Variants in GPC6 observed in about 807,000 individuals in gnomAD.
The protein encoded by GPC6 is glypican-6.
In GPC6, 14 loss-of-function variants were observed where a neutral mutation model predicts 55.2. The observed-to-expected ratio is 0.25, with a 90% CI of 0.17 to 0.40. GPC6 has a LOEUF of 0.40. GPC6 is among the 10% of genes least tolerant of loss of function. The probability of loss-of-function intolerance (pLI) is 1.00; values close to 1 mark genes in which losing one functional copy is unlikely to be tolerated. For missense variants in GPC6, 641 were observed against 708.5 expected, an observed-to-expected ratio of 0.90 and a Z score of 1.08; for synonymous variants, 278 against 259.6, an observed-to-expected ratio of 1.07 and a Z score of -0.68.
intron 4 of GPC6, among the ~76,000 whole-genome samples, chr13:94,231,638 GC>G: frequency 1.3e-5 from 2 of 152,274 alleles, no homozygotes; most frequent in Non-Finnish European, 2.9e-5. Flanking sequence ...AACATTTTCA[GC>G]CTGAAAGAGA....
At chr13:93,315,392 T>C (rs1879212402) in intron 1 of GPC6, among the ~76,000 whole-genome samples, 1 of 151,966 alleles carries the variant, frequency 6.6e-6, no homozygotes, top group South Asian at 2.1e-4. Flanking sequence ...AGAAAATAAG[T>C]TTAGAAAATA....
chr13:93,789,279 T>A (rs1269305344), intron 2 of GPC6, among the ~76,000 whole-genome samples: 2 of 151,878 alleles, frequency 1.3e-5, no homozygotes, highest in Non-Finnish European at 2.9e-5. Context: ...ATATTAGTGT[T>A]CTACACTGTC....
At chr13:93,745,368 A>T (rs1374716865) in intron 2 of GPC6, among the ~76,000 whole-genome samples, 1 of 152,034 alleles carries the variant, frequency 6.6e-6, no homozygotes, top group Non-Finnish European at 1.5e-5. Context: ...TGACCTAAAG[A>T]AACTTCATCA....
intron 4 of GPC6, among the ~76,000 whole-genome samples, chr13:94,048,605 G>A (rs1566335050): frequency 1.3e-5 from 2 of 151,756 alleles, no homozygotes; most frequent in African/African-American, 2.4e-5. Flanking sequence ...GCCGCTGTGG[G>A]GTTCAGAAAA....
intron 4 of GPC6, among the ~76,000 whole-genome samples, chr13:94,089,270 A>G (rs1460916220): frequency 6.6e-6 from 1 of 152,168 alleles, no homozygotes. Flanking sequence ...CCTGAGAGAG[A>G]GATGGATTAG....
At chr13:93,719,955 C>T (rs1594399143) in intron 2 of GPC6, among the ~76,000 whole-genome samples, 1 of 152,146 alleles carries the variant, frequency 6.6e-6, no homozygotes, top group East Asian at 1.9e-4. Flanking sequence ...GGTGGATAAG[C>T]TTTTTAATGT....
intron 2 of GPC6, among the ~76,000 whole-genome samples, chr13:93,570,729 C>T (rs1032130556): frequency 2.6e-5 from 4 of 152,084 alleles, no homozygotes; most frequent in African/African-American, 9.7e-5. Flanking sequence ...TCTGAATTTG[C>T]CAACATTGGA....
chr13:94,165,263 T>C (rs1008134980), intron 4 of GPC6, among the ~76,000 whole-genome samples: 6 of 145,978 alleles, frequency 4.1e-5, no homozygotes, highest in South Asian at 2.1e-4. Flanking sequence ...TATGTATACA[T>C]ATATATATAC....
intron 3 of GPC6, among the ~76,000 whole-genome samples, chr13:93,880,744 A>G (rs1443754467): frequency 2.0e-5 from 3 of 152,024 alleles, no homozygotes; most frequent in African/African-American, 7.2e-5. Flanking sequence ...TCATCGAACC[A>G]TTATTGCCTC....
Position 93,227,547 on chromosome 13 carries a change from G to C in GPC6, c.91G>C (p.Gly31Arg), listed in dbSNP as rs1394364447. Residue 31 changes from glycine to arginine, a missense_variant, in exon 1 of 9, where the codon GGA (glycine) becomes CGA (arginine). Physicochemically the swap from Gly to Arg is moderately radical, Grantham distance 125. Transcript: ENST00000377047. The surrounding 1 kb of genome is among the most constrained non-coding windows in gnomAD (Gnocchi z 4.3). The part of the protein sequence containing the change: ...AGADVKARSC[G>R]EVRQAYGAKG... ...GGCGGATGTGAAGGCTCGGAGCTGC[G>C]GAGAGGTCCGCCAGGCGTACGGTGC... is the stretch of plus-strand genomic sequence containing the variant. 1.9e-6 allele frequency: 3 copies of C among 1,613,270 alleles called. No individual in the cohort carries two copies. The highest frequency in any genetic ancestry group is 2.5e-6 in the Non-Finnish European group (3 of 1,179,652).
intron 4 of GPC6, among the ~76,000 whole-genome samples, chr13:94,281,308 C>A (rs2139077868): frequency 6.6e-6 from 1 of 152,190 alleles, no homozygotes; most frequent in East Asian, 1.9e-4. Context: ...TTTTAAGCTC[C>A]ACATGCATTA....
intron 4 of GPC6, among the ~76,000 whole-genome samples, chr13:94,157,445 G>A (rs912129377): frequency 2.0e-5 from 3 of 152,132 alleles, no homozygotes; most frequent in South Asian, 2.1e-4. Context: ...GGGCTTGAAA[G>A]GATGGAGAGT....
chr13:94,383,106 C>G (rs946884662), intron 7 of GPC6, among the ~76,000 whole-genome samples: 4 of 152,160 alleles, frequency 2.6e-5, no homozygotes, highest in African/African-American at 9.7e-5. Context: ...TTTCATCATT[C>G]TGCTCTGCTG....
At chr13:93,678,901 C>G (rs1184287392) in intron 2 of GPC6, among the ~76,000 whole-genome samples, 1 of 152,104 alleles carries the variant, frequency 6.6e-6, no homozygotes, top group African/African-American at 2.4e-5. Context: ...AAAAGAAGGG[C>G]TTGATTGGAC....
At chr13:93,607,385 G>T (rs2139533826) in intron 2 of GPC6, among the ~76,000 whole-genome samples, 1 of 152,342 alleles carries the variant, frequency 6.6e-6, no homozygotes, top group East Asian at 1.9e-4. Flanking sequence ...AGCTCTGGGG[G>T]TGGTGCAGCA....
intron 3 of GPC6, among the ~76,000 whole-genome samples, chr13:93,924,253 C>T (rs1877730645): frequency 6.6e-6 from 1 of 152,214 alleles, no homozygotes; most frequent in Non-Finnish European, 1.5e-5. Flanking sequence ...AATGGCAATT[C>T]CCAGCTCTGT....
chr13:93,792,579 G>A (rs1287771229), intron 2 of GPC6, among the ~76,000 whole-genome samples: 1 of 152,190 alleles, frequency 6.6e-6, no homozygotes, highest in Non-Finnish European at 1.5e-5. Flanking sequence ...CCAAAGTGCT[G>A]GGATTACAGG....
In GPC6 at chr13:93,789,505, C is replaced by CTATA. The variant is rs1384089765; in HGVS notation, c.320-40648_320-40647insATAT. On this transcript the variant is annotated intron_variant, in intron 2 of 8. Transcript: ENST00000377047. ...GAACTCTCTCTCTCTCTCTCTCTCT[C>CTATA]TCTCTATATATATATATATATATAT... Among the ~76,000 whole-genome samples the CTATA allele has an allele frequency of 1.1e-3, 91 of 80,266 alleles. 2 individuals carry two copies. In the East Asian group the frequency reaches 0.015, roughly 13 times the overall value. The allele number at this position is 80,266 out of a possible 152,430, so 52.7% of individuals were successfully genotyped here. A position where few individuals can be genotyped will look rare whatever the true frequency, so the allele number is the denominator to read the frequency against.
At chr13:93,881,592 G>A (rs976226472) in intron 3 of GPC6, among the ~76,000 whole-genome samples, 3 of 152,024 alleles carry the variant, frequency 2.0e-5, no homozygotes, top group Non-Finnish European at 4.4e-5. Context: ...TGCTAATGGG[G>A]TGTCACTGCT....
Sources: allele counts gnomAD v4.1 joint callset (sites outside exome capture counted in the v4.1 genomes callset), GRCh38; gene constraint gnomAD v4.1.1; non-coding constraint Gnocchi (gnomAD v3.1); transcripts MANE v1.5; gene names NCBI Gene and HGNC (gene_info 2026-07-23, HGNC 2026-07-21).